Variants in MYO6 observed in about 807,000 individuals in gnomAD.
MYO6 encodes unconventional myosin-VI.
A neutral mutation model predicts 178.7 loss-of-function variants in MYO6; 74 were observed. That is an observed-to-expected ratio of 0.41 (90% CI 0.34 to 0.50). The LOEUF is 0.50. MYO6 is among the 20% of genes least tolerant of loss of function. The pLI is 0.09. For missense variants in MYO6, 1,330 were observed against 1,547.4 expected, an observed-to-expected ratio of 0.86 and a Z score of 2.36; for synonymous variants, 477 against 504.6, an observed-to-expected ratio of 0.95 and a Z score of 0.73.
At chr6:75,767,543 G>T in intron 1 of MYO6, among the ~76,000 whole-genome samples, 1 of 141,938 alleles carries the variant, frequency 7.0e-6, no homozygotes, top group African/African-American at 2.6e-5. Flanking sequence ...TTTTTTTGAG[G>T]CAGAGTCTCA....
intron 3 of MYO6, among the ~76,000 whole-genome samples, chr6:75,827,292 G>C (rs1772579113): frequency 6.6e-6 from 1 of 152,224 alleles, no homozygotes; most frequent in Non-Finnish European, 1.5e-5. Context: ...TGACCTTAAA[G>C]AGTAGGTAGG....
chr6:75,913,182 C>G (rs1161741938), intron 33 of MYO6, among the ~76,000 whole-genome samples: 1 of 152,012 alleles, frequency 6.6e-6, no homozygotes, highest in Non-Finnish European at 1.5e-5. Context: ...ACAGGCTAAC[C>G]AAAATTATGC....
At chr6:75,888,423 T>G (rs1187026822) in intron 25 of MYO6, among the ~76,000 whole-genome samples, 1 of 152,048 alleles carries the variant, frequency 6.6e-6, no homozygotes, top group East Asian at 1.9e-4. Context: ...GAGACCAACC[T>G]GATCAACATG....
At chr6:75,807,384 T>TAGAAAA (rs1770207640) in intron 1 of MYO6, among the ~76,000 whole-genome samples, 2 of 152,226 alleles carry the variant, frequency 1.3e-5, no homozygotes, top group Non-Finnish European at 2.9e-5. Flanking sequence ...AAATCATGTC[T>TAGAAAA]TTTGGTTCTG....
intron 1 of MYO6, among the ~76,000 whole-genome samples, chr6:75,798,238 G>A (rs1358322508): frequency 6.6e-6 from 1 of 152,108 alleles, no homozygotes; most frequent in African/African-American, 2.4e-5. Context: ...ATTGAATAGA[G>A]AGTCCTTTTC....
rs188250640 is a variant in MYO6 at position 75,785,895 on chromosome 6, T to A, written c.-47-31606T>A. ...TGTTGTAAATTAAATCAAGTAAATATTTATATATTTATTTTTAAAATTAAA... is the reference window on the plus strand; with the variant it reads ...TGTTGTAAATTAAATCAAGTAAATAATTATATATTTATTTTTAAAATTAAA... On this transcript the variant is annotated intron_variant, in intron 1 of 34. Transcript: ENST00000369977. Among the ~76,000 whole-genome samples, 106 of 152,052 alleles carry A rather than the reference T, an allele frequency of 7.0e-4. 1 individual carries two copies. The highest frequency in any genetic ancestry group is 2.4e-3 in the African/African-American group (101 of 41,524).
In MYO6 at chr6:75,805,792, T is replaced by C. The variant is rs192421322; in HGVS notation, c.-47-11709T>C. ...ATTTCCTTAACCCCAATAATTCTTA[T>C]TATTTTTTTCTTTTAGTATTTGTGC... On this transcript the variant is annotated intron_variant, in intron 1 of 34. Coordinates refer to ENST00000369977, the MANE Select transcript of MYO6 (RefSeq NM_004999.4). Among the ~76,000 whole-genome samples, 4 of 152,368 alleles carry C rather than the reference T, an allele frequency of 2.6e-5. No individual in the cohort carries two copies. In the East Asian group the frequency reaches 7.7e-4, roughly 29 times the overall value.
intron 5 of MYO6, among the ~76,000 whole-genome samples, chr6:75,832,166 G>T (rs1043610430): frequency 2.0e-5 from 3 of 152,174 alleles, no homozygotes; most frequent in African/African-American, 7.2e-5. Context: ...AGCCTAAATT[G>T]TTGGAGTCTA....
At chr6:75,899,810 G>A (rs928223517) in intron 30 of MYO6, among the ~76,000 whole-genome samples, 90 of 146,702 alleles carry the variant, frequency 6.1e-4, no homozygotes, top group African/African-American at 2.2e-3. Flanking sequence ...ATGTATACAT[G>A]TGCCATGCTG....
At chr6:75,892,741 CCT>C (rs1308703600) in intron 28 of MYO6, 51 bp downstream of exon 28, 5 of 1,582,934 alleles carry the variant, frequency 3.2e-6, no homozygotes, top group Non-Finnish European at 4.3e-6. Context: ...GCTTTCTCTA[CCT>C]CTCTGCCTCT....
intron 1 of MYO6, among the ~76,000 whole-genome samples, chr6:75,806,685 A>G (rs1461107441): frequency 2.6e-5 from 4 of 152,252 alleles, no homozygotes; most frequent in Non-Finnish European, 4.4e-5. Context: ...TAAGCCACAA[A>G]CAATAGCATG....
intron 9 of MYO6, among the ~76,000 whole-genome samples, 158 bp downstream of exon 9, chr6:75,841,536 T>A (rs1774226734): frequency 6.7e-6 from 1 of 150,200 alleles, no homozygotes; most frequent in Non-Finnish European, 1.5e-5. Context: ...AAAAAAAAAA[T>A]ACAAAAAATT....
At chr6:75,801,398 G>A (rs994257556) in intron 1 of MYO6, among the ~76,000 whole-genome samples, 11 of 152,120 alleles carry the variant, frequency 7.2e-5, no homozygotes, top group African/African-American at 2.7e-4. Flanking sequence ...AGAAGGAATA[G>A]GATCTGGTGG....
chr6:75,855,434 T>C (rs554235815), intron 12 of MYO6, 151 bp downstream of exon 12: 4 of 786,872 alleles, frequency 5.1e-6, no homozygotes, highest in Non-Finnish European at 8.3e-6. Context: ...AAATGGAGTT[T>C]AACATAGCTC....
chr6:75,840,575 T>C lies in MYO6; in HGVS notation c.554-10T>C. 1 of 1,603,596 alleles carries C rather than the reference T, an allele frequency of 6.2e-7. No homozygotes were observed. ...CTAATTTTTTGATGGATTTTTTTGTTTCTCAATAGCTAACCCACTCCTAGA... is the reference window on the plus strand; with the variant it reads ...CTAATTTTTTGATGGATTTTTTTGTCTCTCAATAGCTAACCCACTCCTAGA... On this transcript the variant is annotated splice_polypyrimidine_tract_variant and intron_variant, in intron 7 of 34. Transcript: ENST00000369977.
At chr6:75,907,028 A>G (rs1239096872) in intron 30 of MYO6, among the ~76,000 whole-genome samples, 3 of 152,152 alleles carry the variant, frequency 2.0e-5, no homozygotes, top group Non-Finnish European at 4.4e-5. Context: ...CTTTTAGCTG[A>G]CTTGAATGAC....
chr6:75,912,710 T>G (rs888964747), intron 33 of MYO6, among the ~76,000 whole-genome samples: 1 of 152,084 alleles, frequency 6.6e-6, no homozygotes, highest in African/African-American at 2.4e-5. Context: ...TAGTTTTGAA[T>G]TAGTACATTT....
intron 10 of MYO6, among the ~76,000 whole-genome samples, chr6:75,845,354 G>GT (rs1454536339): frequency 6.6e-6 from 1 of 152,122 alleles, no homozygotes; most frequent in African/African-American, 2.4e-5. Context: ...CAAGGCTGAC[G>GT]TGAGGTTTGA....
At chr6:75,831,963 G>C (rs962861532) in intron 5 of MYO6, among the ~76,000 whole-genome samples, 1 of 151,946 alleles carries the variant, frequency 6.6e-6, no homozygotes, top group African/African-American at 2.4e-5. Flanking sequence ...TATATGGTTT[G>C]CATTCTCCCC....
Sources: gnomAD v4.1 joint callset for allele counts (sites outside exome capture counted in the v4.1 genomes callset) on GRCh38, gnomAD v4.1.1 for gene constraint, MANE v1.5 for transcripts, NCBI Gene and HGNC (gene_info 2026-07-23, HGNC 2026-07-21) for gene names.